The following KCNJ6 variants were observed in gnomAD, a reference collection of about 807,000 sequenced individuals.
The protein encoded by KCNJ6 is potassium inwardly rectifying channel subfamily J member 6.
KCNJ6 carries 9 observed loss-of-function variants against 34.2 expected under a neutral mutation model. The ratio of observed to expected loss-of-function variants is 0.26; its 90% CI spans 0.16 to 0.46. The LOEUF is 0.46. KCNJ6 is among the 20% of genes least tolerant of loss of function. The pLI is 1.00. For missense variants in KCNJ6, 236 were observed against 531.3 expected (o/e 0.44, Z 5.46); for synonymous variants, 196 against 207.1 (o/e 0.95, Z 0.46).
At chr21:37,859,715 A>G (rs1314116365) in intron 1 of KCNJ6, among the ~76,000 whole-genome samples, 1 of 151,074 alleles carries the variant, frequency 6.6e-6, no homozygotes, top group African/African-American at 2.4e-5. Flanking sequence ...AATTTCATTG[A>G]TTTACTTGTG....
chr21:37,836,776 A>G (rs2055453734), intron 2 of KCNJ6, among the ~76,000 whole-genome samples: 1 of 152,134 alleles, frequency 6.6e-6, no homozygotes, highest in Non-Finnish European at 1.5e-5. Flanking sequence ...CATTAGGAGA[A>G]ATACCTAATG....
intron 2 of KCNJ6, chr21:37,719,653 C>T: frequency 6.6e-6 from 1 of 152,208 alleles, no homozygotes; most frequent in East Asian, 1.9e-4. Flanking sequence ...GTGTGAAGGT[C>T]AGTTTTTCTC....
intron 2 of KCNJ6, among the ~76,000 whole-genome samples, chr21:37,807,507 G>T (rs142958004): frequency 6.6e-6 from 1 of 152,176 alleles, no homozygotes; most frequent in Admixed American, 6.5e-5. Context: ...GGACGACAGT[G>T]GTCCCGTAAG....
intron 1 of KCNJ6, among the ~76,000 whole-genome samples, chr21:37,875,898 T>C (rs931776972): frequency 3.3e-5 from 5 of 152,200 alleles, no homozygotes; most frequent in African/African-American, 1.2e-4. Context: ...GGAGGGTGGC[T>C]TATAAAGTTG....
intron 2 of KCNJ6, among the ~76,000 whole-genome samples, chr21:37,806,569 C>A (rs1009496229): frequency 6.6e-6 from 1 of 152,160 alleles, no homozygotes; most frequent in African/African-American, 2.4e-5. Flanking sequence ...GATCAGACAG[C>A]TTTCAAATAT....
chr21:37,674,353 G>A lies in KCNJ6; in HGVS notation c.946+39858C>T, dbSNP rs537047268. Among the ~76,000 whole-genome samples the A allele has an allele frequency of 1.1e-3, 165 of 152,146 alleles. 1 individual carries two copies. The highest frequency in any genetic ancestry group is 3.7e-3 in the South Asian group (18 of 4,820). Reference sequence around the variant, plus strand: ...ACAGTTGGTCATCTACAGCTCACACGCCAACCACAGCCATCCTTTCAAAAT... The same window carrying A: ...ACAGTTGGTCATCTACAGCTCACACACCAACCACAGCCATCCTTTCAAAAT... On this transcript the variant is annotated intron_variant, in intron 3 of 3. Coordinates refer to ENST00000609713, the MANE Select transcript of KCNJ6 (RefSeq NM_002240.5).
chr21:37,657,996 G>A (rs1323673196), intron 3 of KCNJ6, among the ~76,000 whole-genome samples: 1 of 152,240 alleles, frequency 6.6e-6, no homozygotes, highest in African/African-American at 2.4e-5. Flanking sequence ...CTGGTCTTAG[G>A]CTTCAAGATT....
At chr21:37,805,942 T>G (rs949466929) in intron 2 of KCNJ6, among the ~76,000 whole-genome samples, 1 of 152,216 alleles carries the variant, frequency 6.6e-6, no homozygotes, top group Admixed American at 6.5e-5. Flanking sequence ...AATTACAAAC[T>G]TCTGGCCTCC....
intron 1 of KCNJ6, among the ~76,000 whole-genome samples, chr21:37,852,579 T>A (rs1601501773): frequency 6.6e-6 from 1 of 152,334 alleles, no homozygotes; most frequent in South Asian, 2.1e-4. Context: ...CAGAGTGATG[T>A]CAGAGGAGTC....
At chr21:37,859,023 GA>G (rs1262805663) in intron 1 of KCNJ6, among the ~76,000 whole-genome samples, 1 of 152,108 alleles carries the variant, frequency 6.6e-6, no homozygotes, top group African/African-American at 2.4e-5. Flanking sequence ...AGAACAAAAT[GA>G]AACTCTCATT....
intron 1 of KCNJ6, among the ~76,000 whole-genome samples, chr21:37,884,514 C>G (rs2055725571): frequency 6.6e-6 from 1 of 152,150 alleles, no homozygotes; most frequent in African/African-American, 2.4e-5. Flanking sequence ...CATTGTCTAC[C>G]CTGTTGCTGG....
chr21:37,857,495 G>A (rs1369581248), intron 1 of KCNJ6, among the ~76,000 whole-genome samples: 1 of 152,224 alleles, frequency 6.6e-6, no homozygotes, highest in Admixed American at 6.5e-5. Flanking sequence ...ATTTTGCAAA[G>A]GGAATCTTTT....
chr21:37,720,498 C>T (rs1188906984), intron 2 of KCNJ6, among the ~76,000 whole-genome samples: 1 of 152,102 alleles, frequency 6.6e-6, no homozygotes, highest in Non-Finnish European at 1.5e-5. Flanking sequence ...TCCAGGGGAC[C>T]TTGAAGGAGG....
intron 2 of KCNJ6, among the ~76,000 whole-genome samples, chr21:37,795,736 A>G (rs2055238201): frequency 6.7e-6 from 1 of 150,010 alleles, no homozygotes; most frequent in South Asian, 2.1e-4. Flanking sequence ...CTCCGTCTCA[A>G]AAAAAAAAAA....
intron 1 of KCNJ6, among the ~76,000 whole-genome samples, chr21:37,842,357 T>C (rs938764647): frequency 2.0e-5 from 3 of 152,194 alleles, no homozygotes; most frequent in Non-Finnish European, 4.4e-5. Context: ...ATGTCATGGC[T>C]TGGGTGTTGT....
At chr21:37,891,560 T>C (rs886696893) in intron 1 of KCNJ6, among the ~76,000 whole-genome samples, 3 of 152,176 alleles carry the variant, frequency 2.0e-5, no homozygotes, top group Admixed American at 2.0e-4. Context: ...TCCCTTAATA[T>C]GTATTTTAAT....
chr21:37,889,790 T>C (rs938969519), intron 1 of KCNJ6, among the ~76,000 whole-genome samples: 8 of 152,208 alleles, frequency 5.3e-5, no homozygotes, highest in Admixed American at 5.2e-4. Flanking sequence ...TCCTCTCTCA[T>C]GGCCATCCCA....
chr21:37,767,910 C>T (rs977912154), intron 2 of KCNJ6, among the ~76,000 whole-genome samples: 3 of 152,084 alleles, frequency 2.0e-5, no homozygotes, highest in African/African-American at 7.2e-5. Flanking sequence ...ATTTTATACA[C>T]CTAAGCTTGG....
At chr21:37,693,191 G>C (rs1167410554) in intron 3 of KCNJ6, among the ~76,000 whole-genome samples, 1 of 152,222 alleles carries the variant, frequency 6.6e-6, no homozygotes, top group Non-Finnish European at 1.5e-5. Flanking sequence ...ATGGTACCAA[G>C]TGCTATGTTT....
Sources: allele counts gnomAD v4.1 joint callset (sites outside exome capture counted in the v4.1 genomes callset), GRCh38; gene constraint gnomAD v4.1.1; transcripts MANE v1.5; gene names NCBI Gene and HGNC (gene_info 2026-07-23, HGNC 2026-07-21).